Variants in ADPRHL1 observed in about 807,000 individuals in gnomAD.
ADPRHL1 encodes inactive ADP-ribosyltransferase ARH2.
A neutral mutation model predicts 44.1 loss-of-function variants in ADPRHL1; 43 were observed. That is an observed-to-expected ratio of 0.98 (90% CI 0.76 to 1.26). The LOEUF (loss-of-function observed/expected upper bound fraction) is 1.26. ADPRHL1 is among the 50% of genes most tolerant of loss of function. The pLI, the probability that ADPRHL1 is intolerant of heterozygous loss-of-function variation, is 0.00. For synonymous variants in ADPRHL1, 878 were observed against 1,017.4 expected (o/e 0.86, Z 2.61); for missense variants, 2,022 against 2,496.9 (o/e 0.81, Z 4.05).
Position 113,428,988 on chromosome 13 carries a change from C to T in ADPRHL1, c.610G>A (p.Glu204Lys). ...CGGATGGTCTTCCTGCAGTACTCTT[C>T]TGCCAGAGGCACCGCCCGCAGCATG... is the stretch of plus-strand genomic sequence containing the variant. ...RDMLRAVPLA[E>K]EYCRKTIRHT... is the part of the protein sequence containing the mutation. The change falls in exon 4 of 8, where the codon GAA becomes AAA. Residue 204 changes from glutamate to lysine, a missense_variant. By Grantham distance (56) the Glu-to-Lys change is moderately conservative (BLOSUM62 1). This residue lies in a region of ADPRHL1 where 437 missense variants were observed against 430.7 expected (regional missense o/e 1.01). Transcript: ENST00000612156. 6.2e-7 allele frequency: 1 copy of T among 1,612,826 alleles called. No homozygotes were observed.
At chr13:113,429,892 G>A (rs1293524331) in intron 3 of ADPRHL1, among the ~76,000 whole-genome samples, 1 of 152,126 alleles carries the variant, frequency 6.6e-6, no homozygotes, top group Non-Finnish European at 1.5e-5. Context: ...TATTTTCTTT[G>A]GTATGTCAAA....
intron 3 of ADPRHL1, among the ~76,000 whole-genome samples, chr13:113,432,671 G>A (rs1335179660): frequency 1.1e-4 from 16 of 152,176 alleles, no homozygotes; most frequent in South Asian, 4.1e-4. Context: ...GGGGTGGGAC[G>A]GCCAGGCCGG....
chr13:113,410,505 T>C (rs2043844775), intron 7 of ADPRHL1, among the ~76,000 whole-genome samples: 1 of 152,218 alleles, frequency 6.6e-6, no homozygotes, highest in South Asian at 2.1e-4. Flanking sequence ...CGGAACCTGC[T>C]GCAAGGCCAC....
rs765077517 is a variant in ADPRHL1 at position 113,408,078 on chromosome 13, G to A, written c.1204C>T (p.Arg402Trp). ...CCCCCGGCCTCTGTCCCCGGGGGCC[G>A]GTCTGCGCGGCCCGTGACGTAGAGC... ...LLLYVTGRAD[R>W]PPGTEAGGSR... The change falls in exon 8 of 8, where the codon CGG (arginine) becomes TGG (tryptophan). Residue 402 changes from arginine (R) to tryptophan (W), a missense_variant. By Grantham distance (101) the Arg-to-Trp change is moderately radical. This residue lies in a region of ADPRHL1 where 1,221 missense variants were observed against 1,517.8 expected (regional missense o/e 0.80). Coordinates refer to ENST00000612156, the MANE Select transcript of ADPRHL1 (RefSeq NM_001394807.1). 71 of 1,232,028 alleles carry A rather than the reference G, an allele frequency of 5.8e-5. No individual in the cohort carries two copies. The highest frequency in any genetic ancestry group is 3.4e-4 in the African/African-American group (22 of 64,548). The allele number at this position is 1,232,028 out of a possible 1,614,324, so 76.3% of individuals were successfully genotyped here.
chr13:113,437,750 C>A (rs1047336626), intron 2 of ADPRHL1, among the ~76,000 whole-genome samples: 6 of 152,192 alleles, frequency 3.9e-5, no homozygotes, highest in African/African-American at 1.4e-4. Flanking sequence ...GCATGAGGCA[C>A]CAGATCCTGG....
Position 113,403,454 on chromosome 13 carries a change from C to CTT in ADPRHL1, c.5827_5828insAA (p.Arg1943GlnfsTer14). The CTT allele has an allele frequency of 8.1e-7, 1 of 1,232,084 alleles. No homozygotes were observed. The highest frequency in any genetic ancestry group is 1.0e-6 in the Non-Finnish European group (1 of 987,984). The allele number at this position is 1,232,084 out of a possible 1,614,324, so 76.3% of individuals were successfully genotyped here. The stretch of plus-strand genomic sequence containing the variant: ...GGACAAATCGAAGGCCCTCTGGTCA[C>CTT]GGAAGCTCTGGGCTTTGTACTTGGC... On this transcript the variant is annotated frameshift_variant, in exon 8 of 8. Coordinates refer to ENST00000612156, the MANE Select transcript of ADPRHL1 (RefSeq NM_001394807.1). LOFTEE classifies it low-confidence loss of function (END_TRUNC).
At chr13:113,422,400 G>A (rs2043930784) in intron 7 of ADPRHL1, 1 of 175,530 alleles carries the variant, frequency 5.7e-6, no homozygotes, top group South Asian at 1.4e-4. Context: ...CCCTCACGGG[G>A]AAACGCATGC....
At position 113,401,088 on chromosome 13, in the gene ADPRHL1, G is replaced by C. The variant is rs751888258; in HGVS notation, c.*2290C>G. ...TTGCCTCCAATTCCAAATAGGTAAA[G>C]AGTGAGGGCCGTGCCGCTGTGCCTG... On this transcript the variant is annotated 3_prime_UTR_variant, in exon 8 of 8. Transcript: ENST00000612156. This position sits in a 1 kb window ranked among gnomAD's most constrained non-coding sequence, Gnocchi z 5.5. 2.6e-5 allele frequency: 4 copies of C among 152,216 alleles called. No homozygotes were observed. The highest frequency in any genetic ancestry group is 4.4e-5 in the Non-Finnish European group (3 of 68,062). 9.4% of individuals were successfully genotyped at this position (152,216 alleles called of 1,614,324 possible).
Position 113,406,672 on chromosome 13 carries a change from AG to A in ADPRHL1, c.2609del (p.Pro870LeufsTer20). On this transcript the variant is annotated frameshift_variant, in exon 8 of 8. Transcript: ENST00000612156. LOFTEE classifies it low-confidence loss of function (END_TRUNC). ...CCACATTCTCTCCTCCACAAATACA[AG>A]GTTTGTTTTCACCACTTGACATATT... is the stretch of plus-strand genomic sequence containing the variant. ...LQNMSSGENK[P>X]CICGGENVVE... 1 of 1,227,114 alleles carries A rather than the reference AG, an allele frequency of 8.1e-7. No individual in the cohort carries two copies. The allele number at this position is 1,227,114 out of a possible 1,614,324, so 76.0% of individuals were successfully genotyped here. A position where few individuals can be genotyped will look rare whatever the true frequency, so the allele number is the denominator to read the frequency against.
Position 113,404,869 on chromosome 13 carries a change from C to T in ADPRHL1, c.4413G>A (p.Val1471=), listed in dbSNP as rs1404479730. The T allele has an allele frequency of 3.4e-5, 42 of 1,247,346 alleles. No homozygotes were observed. The highest frequency in any genetic ancestry group is 4.0e-5 in the Non-Finnish European group (40 of 998,308). 77.3% of individuals were successfully genotyped at this position (1,247,346 alleles called of 1,614,324 possible). The change falls in exon 8 of 8, where the codon GTG becomes GTA. Residue 1471 remains valine (V), a synonymous_variant. Coordinates refer to ENST00000612156, the MANE Select transcript of ADPRHL1 (RefSeq NM_001394807.1). ...CCGGCCCCTCGGGCTCCCCTGGAGG[C>T]ACAGCTGGGTTCCTGGCAGCCCTGG... ...EGTRAARNPA[V]PPGEPEGPGS...
chr13:113,407,010 C>A lies in ADPRHL1; in HGVS notation c.2272G>T (p.Val758Leu), dbSNP rs1036350551. The A allele has an allele frequency of 1.6e-6, 2 of 1,232,318 alleles. No homozygotes were observed. Among genetic ancestry groups the A allele is most frequent in the East Asian group, 3.2e-5 (1 of 31,720 alleles). The allele number at this position is 1,232,318 out of a possible 1,614,324, so 76.3% of individuals were successfully genotyped here. Residue 758 changes from valine (V) to leucine (L), a missense_variant, in exon 8 of 8, where the codon GTG becomes TTG. This residue lies in a region of ADPRHL1 where 1,221 missense variants were observed against 1,517.8 expected (regional missense o/e 0.80). Coordinates refer to ENST00000612156, the MANE Select transcript of ADPRHL1 (RefSeq NM_001394807.1). The stretch of plus-strand genomic sequence containing the variant: ...GGCCACGTGAGCCTGGCTCCCCTCA[C>A]CTCCTGGACGCCTCCTGCGGTGCTC... ...AESTAGGVQE[V>L]RGARLTWPPG... is the part of the protein sequence containing the mutation.
Position 113,401,173 on chromosome 13 carries a change from G to A in ADPRHL1, c.*2205C>T, listed in dbSNP as rs1566460733. Reference sequence around the variant, plus strand: ...CCTGAGCTCCCCCAGCTCCAGGGAGGACGCCCCAGGCATGAGCAGGGGCCG... The same window carrying A: ...CCTGAGCTCCCCCAGCTCCAGGGAGAACGCCCCAGGCATGAGCAGGGGCCG... On this transcript the variant is annotated 3_prime_UTR_variant, in exon 8 of 8. Coordinates refer to ENST00000612156, the MANE Select transcript of ADPRHL1 (RefSeq NM_001394807.1). The surrounding 1 kb of genome is among the most constrained non-coding windows in gnomAD (Gnocchi z 5.5). 1 of 152,016 alleles carries A rather than the reference G, an allele frequency of 6.6e-6. No individual in the cohort carries two copies. Among genetic ancestry groups the A allele is most frequent in the Non-Finnish European group, 1.5e-5 (1 of 68,006 alleles). 9.4% of individuals were successfully genotyped at this position (152,016 alleles called of 1,614,324 possible).
chr13:113,406,905 C>T lies in ADPRHL1; in HGVS notation c.2377G>A (p.Gly793Arg). The change falls in exon 8 of 8, where the codon GGA (glycine) becomes AGA (arginine). Residue 793 changes from glycine to arginine, a missense_variant. Physicochemically the swap from Gly to Arg is moderately radical, Grantham distance 125. Coordinates refer to ENST00000612156, the MANE Select transcript of ADPRHL1 (RefSeq NM_001394807.1). The stretch of plus-strand genomic sequence containing the variant: ...CTCCCTGGGTCTGGGAAGCCTGCTC[C>T]TTCCCTTTCATCCTCTGAACTGCAA... ...TVCSSEDERE[G>R]AGFPDPGRDP... 8.1e-7 allele frequency: 1 copy of T among 1,232,238 alleles called. No homozygotes were observed. 76.3% of individuals were successfully genotyped at this position (1,232,238 alleles called of 1,614,324 possible). A position where few individuals can be genotyped will look rare whatever the true frequency, so the allele number is the denominator to read the frequency against.
At chr13:113,432,148 G>C (rs1280589491) in intron 3 of ADPRHL1, among the ~76,000 whole-genome samples, 5 of 151,700 alleles carry the variant, frequency 3.3e-5, no homozygotes, top group African/African-American at 4.8e-5. Context: ...TTTTGAGATA[G>C]GGCCTCGCCC....
rs990800713 is a variant in ADPRHL1 at position 113,407,790 on chromosome 13, C to T, written c.1492G>A (p.Gly498Arg). The part of the protein sequence containing the change: ...SEKPRWGHPA[G>R]KSTVKNILKI... ...AGGATGTTTTTCACGGTGCTCTTCC[C>T]GGCCGGGTGGCCCCAGCGGGGCTTC... The change falls in exon 8 of 8, where the codon GGG becomes AGG. Residue 498 changes from glycine to arginine, a missense_variant. By Grantham distance (125) the Gly-to-Arg change is moderately radical (BLOSUM62 -2). Coordinates refer to ENST00000612156, the MANE Select transcript of ADPRHL1 (RefSeq NM_001394807.1). 7.5e-5 allele frequency: 93 copies of T among 1,231,948 alleles called. No individual in the cohort carries two copies. Among genetic ancestry groups the T allele is most frequent in the Non-Finnish European group, 8.5e-5 (84 of 988,054 alleles). The allele number at this position is 1,231,948 out of a possible 1,614,324, so 76.3% of individuals were successfully genotyped here.
chr13:113,437,348 T>C lies in ADPRHL1; in HGVS notation c.380-3481A>G, dbSNP rs185229842. Among the ~76,000 whole-genome samples the C allele has an allele frequency of 2.1e-4, 29 of 141,240 alleles. No homozygotes were observed. The East Asian group carries it at 5.2e-3, about 25-fold the overall frequency. 92.7% of individuals were successfully genotyped at this position (141,240 alleles called of 152,430 possible). A position where few individuals can be genotyped will look rare whatever the true frequency, so the allele number is the denominator to read the frequency against. ...CCAGCACCCAGGTGTAGAGTGAACA[T>C]AGGTGTACCCCAGGACCCAGCACCC... On this transcript the variant is annotated intron_variant, in intron 2 of 7. Coordinates refer to ENST00000612156, the MANE Select transcript of ADPRHL1 (RefSeq NM_001394807.1).
intron 2 of ADPRHL1, among the ~76,000 whole-genome samples, chr13:113,437,372 C>A (rs2044068518): frequency 6.6e-6 from 1 of 151,840 alleles, no homozygotes; most frequent in South Asian, 2.1e-4. Flanking sequence ...GACCCAGCAC[C>A]CAGGCGCAGG....
At chr13:113,429,812 G>A (rs774881362) in intron 3 of ADPRHL1, among the ~76,000 whole-genome samples, 4 of 152,230 alleles carry the variant, frequency 2.6e-5, no homozygotes, top group Non-Finnish European at 4.4e-5. Context: ...ACTTCTGGGC[G>A]TGCATTAGCA....
intron 4 of ADPRHL1, 49 bp from the exon 5 acceptor site, chr13:113,425,228 G>A: frequency 6.3e-7 from 1 of 1,577,614 alleles, no homozygotes; most frequent in African/African-American, 1.3e-5. Flanking sequence ...TCCATGGAGT[G>A]GGGCGGGTGC....
Sources: gnomAD v4.1 joint callset for allele counts (sites outside exome capture counted in the v4.1 genomes callset) on GRCh38, gnomAD v4.1.1 for gene constraint, gnomAD v4.1.1 regional missense constraint, Gnocchi (gnomAD v3.1) non-coding constraint, MANE v1.5 for transcripts, NCBI Gene and HGNC (gene_info 2026-07-23, HGNC 2026-07-21) for gene names.